FREM2: variants seen among roughly 807,000 people sequenced by gnomAD.
The protein encoded by FREM2 is FRAS1 related extracellular matrix 2, also known as FRAS1-related extracellular matrix protein 2.
Under a neutral mutation model 219.9 loss-of-function variants are expected in FREM2, and 119 were observed. That is an observed-to-expected ratio of 0.54 (90% CI 0.47 to 0.63). FREM2 has a LOEUF of 0.63. Among genes scored for constraint, FREM2 ranks in the 30% least tolerant of loss-of-function variants. The pLI, the probability that FREM2 is intolerant of heterozygous loss-of-function variation, is 0.00. For synonymous variants in FREM2, 1,562 were observed against 1,522.8 expected, an observed-to-expected ratio of 1.03 and a Z score of -0.60; for missense variants, 4,030 against 3,993.6, an observed-to-expected ratio of 1.01 and a Z score of -0.25.
In FREM2 at chr13:38,808,740, C is replaced by T. The variant is rs747664784; in HGVS notation, c.6019+23932C>T. Reference sequence around the variant, plus strand: ...ACATCAAAGATCACTGATCATAGGACACTATAACAACTGTAATAATAATAA... The same window carrying T: ...ACATCAAAGATCACTGATCATAGGATACTATAACAACTGTAATAATAATAA... On this transcript the variant is annotated intron_variant, in intron 6 of 23. Coordinates refer to ENST00000280481, the MANE Select transcript of FREM2 (RefSeq NM_207361.6). Among the ~76,000 whole-genome samples, 39 of 151,816 alleles carry T rather than the reference C, an allele frequency of 2.6e-4. 2 individuals carry two copies. Among genetic ancestry groups the T allele is most frequent in the African/African-American group, 8.5e-4 (35 of 41,390 alleles).
chr13:38,771,468 C>A (rs1873657581), intron 4 of FREM2, among the ~76,000 whole-genome samples: 1 of 152,078 alleles, frequency 6.6e-6, no homozygotes, highest in South Asian at 2.1e-4. Context: ...TCATTTCTGC[C>A]TTCCTATTTA....
In FREM2 at chr13:38,821,473, A is replaced by G. The variant is rs540613291; in HGVS notation, c.6020-25100A>G. ...TAAAAATGCCTTCTTTCTCTAGGCC[A>G]TTTGTAACCATTTGAAGCACTTAAA... On this transcript the variant is annotated intron_variant, in intron 6 of 23. Coordinates refer to ENST00000280481, the MANE Select transcript of FREM2 (RefSeq NM_207361.6). 5.9e-5 allele frequency among the ~76,000 whole-genome samples: 9 copies of G among 152,200 alleles called. No individual in the cohort carries two copies. The East Asian group carries it at 1.5e-3, about 26-fold the overall frequency.
intron 2 of FREM2, among the ~76,000 whole-genome samples, chr13:38,706,705 A>C (rs1425251451): frequency 6.6e-6 from 1 of 152,210 alleles, no homozygotes; most frequent in Admixed American, 6.5e-5. Context: ...AGAATCTTGT[A>C]ATTTTAATAT....
chr13:38,776,724 G>A (rs574782912), intron 4 of FREM2, among the ~76,000 whole-genome samples: 20 of 151,872 alleles, frequency 1.3e-4, no homozygotes, highest in Non-Finnish European at 2.4e-4. Flanking sequence ...AGGGAGTGAA[G>A]GGATATATGG....
chr13:38,761,342 A>C (rs1161993337), intron 2 of FREM2, among the ~76,000 whole-genome samples: 1 of 151,092 alleles, frequency 6.6e-6, no homozygotes, highest in Non-Finnish European at 1.5e-5. Flanking sequence ...TAAAGTGGAC[A>C]GGAGTGTGGC....
chr13:38,738,565 C>CAAA (rs71074478), intron 2 of FREM2, among the ~76,000 whole-genome samples: 6 of 48,456 alleles, frequency 1.2e-4, no homozygotes, highest in South Asian at 9.0e-4. Context: ...GACTCCATCT[C>CAAA]AAAAAAAAAA....
intron 16 of FREM2, among the ~76,000 whole-genome samples, chr13:38,865,998 T>C (rs1057085684): frequency 1.3e-5 from 2 of 152,222 alleles, no homozygotes; most frequent in African/African-American, 4.8e-5. Context: ...TTAACAAATC[T>C]ACCTCTTTTT....
At chr13:38,726,093 G>A (rs530795478) in intron 2 of FREM2, among the ~76,000 whole-genome samples, 4 of 152,170 alleles carry the variant, frequency 2.6e-5, no homozygotes, top group African/African-American at 9.7e-5. Context: ...TCCATGGAGA[G>A]GCACCGGTGT....
Position 38,864,321 on chromosome 13 carries a change from C to T in FREM2, c.7698C>T (p.Leu2566=), listed in dbSNP as rs760750270. 2 of 1,614,102 alleles carry T rather than the reference C, an allele frequency of 1.2e-6. No homozygotes were observed. The highest frequency in any genetic ancestry group is 1.7e-5 in the Admixed American group (1 of 60,008). The part of the protein sequence containing the change: ...ISTRELSNFE[L]TLSPDGTRVG... Reference sequence around the variant, plus strand: ...CTAGAGAGCTTTCCAACTTTGAGCTCACCCTCAGCCCTGATGGCACAAGAG... The same window carrying T: ...CTAGAGAGCTTTCCAACTTTGAGCTTACCCTCAGCCCTGATGGCACAAGAG... Residue 2566 remains leucine, a synonymous_variant, in exon 16 of 24, where the codon CTC becomes CTT. Coordinates refer to ENST00000280481, the MANE Select transcript of FREM2 (RefSeq NM_207361.6).
At chr13:38,865,230 C>T (rs1404000299) in intron 16 of FREM2, among the ~76,000 whole-genome samples, 1 of 152,146 alleles carries the variant, frequency 6.6e-6, no homozygotes, top group African/African-American at 2.4e-5. Flanking sequence ...GATTCTTCTT[C>T]ATACTACACA....
chr13:38,879,646 A>G (rs7139901), intron 23 of FREM2, among the ~76,000 whole-genome samples: 40,443 of 152,168 alleles, frequency 0.27, 6,541 homozygotes, highest in African/African-American at 0.46. Context: ...ATTCAACCTA[A>G]GGAAGGATCT....
rs1163683437 is a variant in FREM2, at chr13:38,886,771, C to T, written c.*5984C>T. ...TTGTGTTTTATAATTGTATTACGTG[C>T]CTGCTTCCTTACCAAGTGCCCTCCA... On this transcript the variant is annotated 3_prime_UTR_variant, in exon 24 of 24. Coordinates refer to ENST00000280481, the MANE Select transcript of FREM2 (RefSeq NM_207361.6). The T allele has an allele frequency of 6.6e-6, 1 of 152,146 alleles. No homozygotes were observed. Among genetic ancestry groups the T allele is most frequent in the African/African-American group, 2.4e-5 (1 of 41,430 alleles). 9.4% of individuals were successfully genotyped at this position (152,146 alleles called of 1,614,324 possible).
intron 2 of FREM2, among the ~76,000 whole-genome samples, chr13:38,710,411 A>G (rs531049530): frequency 2.3e-4 from 35 of 152,330 alleles, no homozygotes; most frequent in African/African-American, 7.9e-4. Context: ...CTTCAGGACC[A>G]ATGAGAAGAG....
At chr13:38,811,359 C>T (rs1875468519) in intron 6 of FREM2, among the ~76,000 whole-genome samples, 2 of 151,916 alleles carry the variant, frequency 1.3e-5, no homozygotes, top group Admixed American at 1.3e-4. Flanking sequence ...TTAGTTTACT[C>T]TTGCTTTTCT....
intron 12 of FREM2, among the ~76,000 whole-genome samples, chr13:38,857,488 G>A (rs1877603789): frequency 6.6e-6 from 1 of 152,030 alleles, no homozygotes; most frequent in African/African-American, 2.4e-5. Context: ...CCTTCAGAAT[G>A]TCCTCCAGCT....
At chr13:38,824,653 G>GT (rs1876201939) in intron 6 of FREM2, among the ~76,000 whole-genome samples, 1 of 152,028 alleles carries the variant, frequency 6.6e-6, no homozygotes, top group African/African-American at 2.4e-5. Flanking sequence ...CTTGAGCTGA[G>GT]TTGGTTCTGG....
At chr13:38,788,057 G>T (rs970658247) in intron 6 of FREM2, among the ~76,000 whole-genome samples, 1 of 152,028 alleles carries the variant, frequency 6.6e-6, no homozygotes, top group Admixed American at 6.6e-5. Flanking sequence ...AGCCCATTAG[G>T]GCCTCTACTG....
Position 38,690,327 on chromosome 13 carries a change from T to C in FREM2, c.2983T>C (p.Leu995=), listed in dbSNP as rs779059647. 2.5e-6 allele frequency: 4 copies of C among 1,614,098 alleles called. No homozygotes were observed. The Admixed American group carries it at 6.7e-5, about 27-fold the overall frequency. Residue 995 remains leucine, a synonymous_variant, in exon 1 of 24, where the codon TTG becomes CTG. Coordinates refer to ENST00000280481, the MANE Select transcript of FREM2 (RefSeq NM_207361.6). ...LEDPPLYGEI[L]VNGIPAEQFT... ...AGATCCACCTTTGTATGGGGAAATC[T>C]TGGTCAATGGCATTCCAGCAGAGCA...
chr13:38,741,143 G>A (rs552829835), intron 2 of FREM2, among the ~76,000 whole-genome samples: 9 of 152,234 alleles, frequency 5.9e-5, no homozygotes, highest in East Asian at 1.9e-4. Flanking sequence ...AGAGTAATTG[G>A]CAGAGTTGGA....
Sources: gnomAD v4.1 joint callset for allele counts (sites outside exome capture counted in the v4.1 genomes callset) on GRCh38, gnomAD v4.1.1 for gene constraint, MANE v1.5 for transcripts, NCBI Gene and HGNC (gene_info 2026-07-23, HGNC 2026-07-21) for gene names.